The following RBM41 variants were observed in gnomAD, a reference collection of about 807,000 sequenced individuals.
RBM41 encodes the protein RNA-binding protein 41.
A neutral mutation model predicts 30.8 loss-of-function variants in RBM41; 14 were observed. The observed-to-expected ratio is 0.45, with a 90% CI of 0.30 to 0.71. RBM41 has a LOEUF of 0.71. RBM41 is among the 30% of genes least tolerant of loss of function. RBM41 has a pLI of 0.08. For missense variants in RBM41, 276 were observed against 326.3 expected, an observed-to-expected ratio of 0.85 and a Z score of 1.19; for synonymous variants, 120 against 110.1, an observed-to-expected ratio of 1.09 and a Z score of -0.56.
At chrX:107,115,750 G>T in intron 3 of RBM41, 112 bp downstream of exon 3, 1 of 971,258 alleles carries the variant, frequency 1.0e-6, no homozygotes, top group Non-Finnish European at 1.4e-6. Flanking sequence ...CAGACACCAA[G>T]CTCAGTTTTG....
At chrX:107,111,621 A>G (rs771627863) in intron 5 of RBM41, among the ~76,000 whole-genome samples, 1 of 111,874 alleles carries the variant, frequency 8.9e-6, no homozygotes, top group Admixed American at 9.5e-5. Flanking sequence ...TATTCACAAA[A>G]GCTAAAACAT....
At chrX:107,112,324 C>T (rs778374993) in intron 5 of RBM41, among the ~76,000 whole-genome samples, 96 of 111,518 alleles carry the variant, frequency 8.6e-4, no homozygotes, top group African/African-American at 3.0e-3. Context: ...CAAATTAAAA[C>T]TACAATGAGG....
At chrX:107,084,563 T>C (rs1276235908) in intron 6 of RBM41, among the ~76,000 whole-genome samples, 1 of 111,480 alleles carries the variant, frequency 9.0e-6, no homozygotes, top group Non-Finnish European at 1.9e-5. Context: ...GTGGGGTTCC[T>C]GGAAGCAATC....
intron 5 of RBM41, among the ~76,000 whole-genome samples, chrX:107,096,471 T>C (rs181319009): frequency 5.3e-5 from 6 of 112,397 alleles, no homozygotes; most frequent in Non-Finnish European, 1.1e-4. Context: ...TTATGGTCAA[T>C]TGATTTTTCC....
At chrX:107,083,317 T>C (rs747319096) in intron 6 of RBM41, among the ~76,000 whole-genome samples, 14 of 111,490 alleles carry the variant, frequency 1.3e-4, no homozygotes, top group Non-Finnish European at 2.5e-4. Flanking sequence ...AGTGTTTATT[T>C]TCTCTGGCTG....
In RBM41 at chrX:107,116,168, C is replaced by T. The variant is rs1441033001; in HGVS notation, c.126-114G>A. ...AAACTCACCAGCAAATTTTCTCTTA[C>T]ATCTTATTTCTAAGCTGAAGCACCA... On this transcript the variant is annotated intron_variant, in intron 2 of 7. Transcript: ENST00000685964. 6 of 999,087 alleles carry T rather than the reference C, an allele frequency of 6.0e-6. No homozygotes were observed. In the African/African-American group the frequency reaches 7.9e-5, roughly 13 times the overall value. 82.3% of individuals were successfully genotyped at this position (999,087 alleles called of 1,213,427 possible).
chrX:107,099,829 G>C (rs1923303819), intron 5 of RBM41, among the ~76,000 whole-genome samples: 1 of 111,522 alleles, frequency 9.0e-6, no homozygotes, highest in Non-Finnish European at 1.9e-5. Context: ...TGAGAAACCT[G>C]ATTGCAACAT....
At chrX:107,117,875 C>T (rs755274465) in intron 1 of RBM41, among the ~76,000 whole-genome samples, 2 of 111,108 alleles carry the variant, frequency 1.8e-5, no homozygotes, top group Non-Finnish European at 3.8e-5. Flanking sequence ...GTAGTGGATG[C>T]GAACCTTTAT....
intron 7 of RBM41, 62 bp downstream of exon 7, chrX:107,069,193 T>G (rs183621444): frequency 2.0e-6 from 2 of 1,001,156 alleles, no homozygotes; most frequent in South Asian, 2.3e-5. Context: ...ATTAGAGAGG[T>G]TATAGGTAAT....
At chrX:107,081,271 A>G (rs750279356) in intron 6 of RBM41, among the ~76,000 whole-genome samples, 6 of 111,300 alleles carry the variant, frequency 5.4e-5, no homozygotes, top group Non-Finnish European at 1.1e-4. Flanking sequence ...TTTGTTGAAA[A>G]GACTATTCTT....
At chrX:107,100,971 T>C (rs1923404922) in intron 5 of RBM41, among the ~76,000 whole-genome samples, 1 of 112,069 alleles carries the variant, frequency 8.9e-6, no homozygotes, top group Non-Finnish European at 1.9e-5. Flanking sequence ...ATATCTCAAA[T>C]ATAATTGCCA....
At chrX:107,088,907 A>C in intron 5 of RBM41, 68 bp from the exon 6 acceptor site, 2 of 1,129,095 alleles carry the variant, frequency 1.8e-6, no homozygotes, top group Non-Finnish European at 2.3e-6. Context: ...CAAATTAATA[A>C]AAATTAAATC....
intron 5 of RBM41, among the ~76,000 whole-genome samples, chrX:107,089,360 G>A (rs1045494191): frequency 4.5e-5 from 5 of 111,440 alleles, no homozygotes; most frequent in African/African-American, 1.6e-4. Flanking sequence ...TTTGTTCTAT[G>A]AACAAATGAA....
chrX:107,106,913 A>G (rs896051966), intron 5 of RBM41, among the ~76,000 whole-genome samples: 6 of 109,287 alleles, frequency 5.5e-5, no homozygotes, highest in Non-Finnish European at 1.1e-4. Context: ...AGATATACCT[A>G]ATGTTAAATG....
chrX:107,094,943 G>A (rs1430922925), intron 5 of RBM41, among the ~76,000 whole-genome samples: 3 of 110,372 alleles, frequency 2.7e-5, no homozygotes, highest in Non-Finnish European at 5.7e-5. Context: ...CTAAATATAC[G>A]GTAATTAGTT....
intron 5 of RBM41, among the ~76,000 whole-genome samples, chrX:107,089,545 C>T (rs1047117950): frequency 1.8e-5 from 2 of 111,608 alleles, no homozygotes; most frequent in Admixed American, 9.5e-5. Context: ...TTAAAGTGTT[C>T]GACAGTCACA....
intron 6 of RBM41, among the ~76,000 whole-genome samples, chrX:107,074,277 G>C (rs1181783546): frequency 9.0e-6 from 1 of 110,658 alleles, no homozygotes; most frequent in Admixed American, 9.6e-5. Flanking sequence ...ACTTTAAAAA[G>C]AAAATAAATA....
Position 107,081,901 on chromosome X carries a change from TTA to T in RBM41, c.999+6533_999+6534del, listed in dbSNP as rs775221205. Among the ~76,000 whole-genome samples the T allele has an allele frequency of 7.3e-3, 820 of 112,037 alleles. 9 individuals carry two copies. Among genetic ancestry groups the T allele is most frequent in the African/African-American group, 0.025 (763 of 30,916 alleles). On this transcript the variant is annotated intron_variant, in intron 6 of 7. Coordinates refer to ENST00000685964, the MANE Select transcript of RBM41 (RefSeq NM_001324242.2). ...ATCTACTAGTCCCAAGAGTTGTTTG[TTA>T]GTTTGTTTTTTGGCTGATTCTTTGG...
chrX:107,106,231 A>T (rs1387399461), intron 5 of RBM41, among the ~76,000 whole-genome samples: 4 of 112,471 alleles, frequency 3.6e-5, no homozygotes, highest in African/African-American at 1.3e-4. Context: ...CACTTCTCAA[A>T]AGAAGACATT....
Sources: gnomAD v4.1 joint callset for allele counts (sites outside exome capture counted in the v4.1 genomes callset) on GRCh38, gnomAD v4.1.1 for gene constraint, MANE v1.5 for transcripts, NCBI Gene and HGNC (gene_info 2026-07-23, HGNC 2026-07-21) for gene names.